Variants in SLC24A2 observed in about 807,000 individuals in gnomAD.
The protein encoded by SLC24A2 is solute carrier family 24 member 2.
Under a neutral mutation model 62.0 loss-of-function variants are expected in SLC24A2, and 36 were observed. The ratio of observed to expected loss-of-function variants is 0.58; its 90% CI spans 0.44 to 0.77. The LOEUF (loss-of-function observed/expected upper bound fraction) is 0.77. SLC24A2 is among the 30% of genes least tolerant of loss of function. The pLI is 0.00. For missense variants in SLC24A2, 846 were observed against 817.9 expected (o/e 1.03, Z -0.42); for synonymous variants, 358 against 294.0 (o/e 1.22, Z -2.23).
At chr9:20,181,719 G>T in the SLC24A2 span, among the ~76,000 whole-genome samples, 1 of 152,114 alleles carries the variant, frequency 6.6e-6, no homozygotes, top group Non-Finnish European at 1.5e-5. Context: ...CAGGACATAG[G>T]CATGGGCAAA....
At chr9:19,981,042 T>C in the SLC24A2 span, among the ~76,000 whole-genome samples, 2 of 152,278 alleles carry the variant, frequency 1.3e-5, no homozygotes, top group African/African-American at 4.8e-5. Context: ...TGAATGCACC[T>C]TGGAGCAATA....
intron 3 of SLC24A2, 61 bp downstream of exon 3, chr9:19,622,199 AC>A: frequency 6.9e-7 from 1 of 1,446,354 alleles, no homozygotes; most frequent in Non-Finnish European, 9.7e-7. Flanking sequence ...TCTCACTCCC[AC>A]CCCTGCCCCA....
At chr9:19,809,121 T>C in the SLC24A2 span, among the ~76,000 whole-genome samples, 3 of 152,218 alleles carry the variant, frequency 2.0e-5, no homozygotes, top group East Asian at 5.8e-4. Flanking sequence ...TGTTAACTTT[T>C]TAATTATGTA....
chr9:20,131,444 C>T, the SLC24A2 span, among the ~76,000 whole-genome samples: 4 of 152,114 alleles, frequency 2.6e-5, no homozygotes, highest in African/African-American at 7.2e-5. Context: ...GAAAACAAAA[C>T]TCCTTCACAC....
At chr9:20,225,092 A>G in the SLC24A2 span, among the ~76,000 whole-genome samples, 48 of 152,210 alleles carry the variant, frequency 3.2e-4, no homozygotes, top group Middle Eastern at 6.8e-3. Context: ...TTTCTTCCTT[A>G]CAGGTTTTCC....
At chr9:19,521,874 C>A (rs867394430) in intron 9 of SLC24A2, among the ~76,000 whole-genome samples, 1 of 130,892 alleles carries the variant, frequency 7.6e-6, no homozygotes, top group African/African-American at 2.9e-5. Context: ...CTTTTTTTTT[C>A]TTTTTTTTTT....
the SLC24A2 span, among the ~76,000 whole-genome samples, chr9:20,235,862 C>T: frequency 1.1e-3 from 163 of 152,026 alleles, no homozygotes; most frequent in African/African-American, 3.6e-3. Context: ...CCCATTCGGC[C>T]TTCTTGGCTC....
At chr9:20,059,018 T>C in the SLC24A2 span, among the ~76,000 whole-genome samples, 1 of 152,218 alleles carries the variant, frequency 6.6e-6, no homozygotes. Flanking sequence ...TGACTGTAGA[T>C]AAGTATTTAA....
chr9:19,760,807 G>A (rs77548231), intron 2 of SLC24A2, among the ~76,000 whole-genome samples: 5,643 of 151,070 alleles, frequency 0.037, 139 homozygotes, highest in East Asian at 0.095. Context: ...TTGTTCTATC[G>A]CAAGGACGGA....
intron 2 of SLC24A2, among the ~76,000 whole-genome samples, chr9:19,682,044 T>C (rs1348474585): frequency 6.6e-6 from 1 of 152,166 alleles, no homozygotes; most frequent in East Asian, 1.9e-4. Context: ...AGCTTGATTT[T>C]ACGTTGACAT....
chr9:19,617,108 T>A lies in SLC24A2; in HGVS notation c.1078+2476A>T, dbSNP rs112356170. ...GGTCTTGGGGAAGACAATTTTTCCA[T>A]GGCCAGGTCAAGGAGGATGATTTGG... On this transcript the variant is annotated intron_variant, in intron 4 of 10. Coordinates refer to ENST00000341998, the MANE Select transcript of SLC24A2 (RefSeq NM_020344.4). Among the ~76,000 whole-genome samples the A allele has an allele frequency of 5.7e-3, 866 of 152,290 alleles. 12 individuals are homozygous for A. The highest frequency in any genetic ancestry group is 0.019 in the African/African-American group (803 of 41,570).
At chr9:20,030,830 G>C in the SLC24A2 span, among the ~76,000 whole-genome samples, 2 of 152,174 alleles carry the variant, frequency 1.3e-5, no homozygotes, top group African/African-American at 2.4e-5. Context: ...GGAGAGTGGA[G>C]AGAGATGAGG....
the SLC24A2 span, among the ~76,000 whole-genome samples, chr9:20,138,479 A>C: frequency 3.6e-4 from 55 of 152,312 alleles, no homozygotes; most frequent in South Asian, 0.01. Context: ...TCCTTATGAA[A>C]TCTGGATCCT....
At chr9:20,232,160 C>A in the SLC24A2 span, among the ~76,000 whole-genome samples, 2 of 152,186 alleles carry the variant, frequency 1.3e-5, no homozygotes, top group Non-Finnish European at 2.9e-5. Context: ...AGGATTTTTG[C>A]ATCAATGTTC....
the SLC24A2 span, among the ~76,000 whole-genome samples, chr9:20,199,336 G>C: frequency 6.6e-6 from 1 of 152,204 alleles, no homozygotes; most frequent in African/African-American, 2.4e-5. Flanking sequence ...TATGTGCTGA[G>C]ACAGGCACTG....
chr9:20,052,629 C>A, the SLC24A2 span, among the ~76,000 whole-genome samples: 1 of 152,132 alleles, frequency 6.6e-6, no homozygotes, highest in Non-Finnish European at 1.5e-5. Flanking sequence ...CATTTTATTT[C>A]CATTTCCTCA....
At chr9:20,132,214 T>G in the SLC24A2 span, among the ~76,000 whole-genome samples, 1 of 151,934 alleles carries the variant, frequency 6.6e-6, no homozygotes, top group Non-Finnish European at 1.5e-5. Context: ...GAACAGTTAT[T>G]TGGGCTTCAC....
At chr9:20,214,966 C>T in the SLC24A2 span, among the ~76,000 whole-genome samples, 1 of 152,226 alleles carries the variant, frequency 6.6e-6, no homozygotes, top group East Asian at 1.9e-4. Flanking sequence ...TATCCCTGTA[C>T]ATCTAATTCT....
At chr9:20,156,521 T>A in the SLC24A2 span, among the ~76,000 whole-genome samples, 1 of 151,916 alleles carries the variant, frequency 6.6e-6, no homozygotes, top group South Asian at 2.1e-4. Flanking sequence ...ACATCTTTAT[T>A]ACTTGCCATT....
Sources: gnomAD v4.1 joint callset for allele counts (sites outside exome capture counted in the v4.1 genomes callset) on GRCh38, gnomAD v4.1.1 for gene constraint, MANE v1.5 for transcripts, NCBI Gene and HGNC (gene_info 2026-07-23, HGNC 2026-07-21) for gene names.